The following ZCCHC24 variants were observed in gnomAD, a reference collection of about 807,000 sequenced individuals.
ZCCHC24 encodes the protein zinc finger CCHC domain-containing protein 24.
In ZCCHC24, 10 loss-of-function variants were observed where a neutral mutation model predicts 26.2. The observed-to-expected ratio is 0.38, with a 90% CI of 0.24 to 0.65. The LOEUF (loss-of-function observed/expected upper bound fraction) is 0.65. Ranked by LOEUF, ZCCHC24 falls within the 30% of genes least tolerant of loss-of-function variation. The pLI, the probability that ZCCHC24 is intolerant of heterozygous loss-of-function variation, is 0.54. For missense variants in ZCCHC24, 243 were observed against 329.1 expected, an observed-to-expected ratio of 0.74 and a Z score of 2.03; for synonymous variants, 144 against 147.1, an observed-to-expected ratio of 0.98 and a Z score of 0.15.
chr10:79,399,540 C>T (rs1028943447), intron 2 of ZCCHC24, among the ~76,000 whole-genome samples: 3 of 152,332 alleles, frequency 2.0e-5, no homozygotes, highest in Non-Finnish European at 4.4e-5. Context: ...CTCCTTGTAG[C>T]ACAGACAGGC....
At chr10:79,421,356 G>T (rs1038474017) in intron 2 of ZCCHC24, among the ~76,000 whole-genome samples, 1 of 152,114 alleles carries the variant, frequency 6.6e-6, no homozygotes, top group Admixed American at 6.5e-5. Flanking sequence ...CCCCTGCTAT[G>T]CCATCTGCCC....
chr10:79,399,246 A>C (rs1227556338), intron 2 of ZCCHC24, among the ~76,000 whole-genome samples: 1 of 152,174 alleles, frequency 6.6e-6, no homozygotes, highest in Non-Finnish European at 1.5e-5. Flanking sequence ...TATGCTTACA[A>C]ATGAGGGCAG....
Position 79,402,244 on chromosome 10 carries a change from G to A in ZCCHC24, c.448-7804C>T, listed in dbSNP as rs1402086988. Among the ~76,000 whole-genome samples, 9 of 152,312 alleles carry A rather than the reference G, an allele frequency of 5.9e-5. No individual in the cohort carries two copies. In the South Asian group the frequency reaches 8.3e-4, roughly 14 times the overall value. On this transcript the variant is annotated intron_variant, in intron 2 of 3. Transcript: ENST00000372336. The stretch of plus-strand genomic sequence containing the variant: ...CCAGGTTGGGCCCTGGCTCTCCCAC[G>A]CCTGTCTTAGATACTTGGTTTTTCT...
At chr10:79,443,429 TA>T (rs1282877338) in intron 1 of ZCCHC24, among the ~76,000 whole-genome samples, 2 of 152,178 alleles carry the variant, frequency 1.3e-5, no homozygotes, top group Admixed American at 6.5e-5. Context: ...AGAGGTTGAT[TA>T]GGGGTCCACA....
intron 2 of ZCCHC24, among the ~76,000 whole-genome samples, chr10:79,424,030 A>G (rs61218972): frequency 6.7e-6 from 1 of 148,712 alleles, no homozygotes; most frequent in African/African-American, 2.5e-5. Flanking sequence ...AAAAAAAAAA[A>G]AAAAAGAAAA....
intron 2 of ZCCHC24, among the ~76,000 whole-genome samples, chr10:79,419,183 T>A (rs1356524354): frequency 6.6e-6 from 1 of 152,050 alleles, no homozygotes; most frequent in African/African-American, 2.4e-5. Flanking sequence ...TCCCATCAGG[T>A]ACATGAGCCT....
intron 1 of ZCCHC24, among the ~76,000 whole-genome samples, chr10:79,443,860 C>T (rs529156484): frequency 6.6e-6 from 1 of 152,366 alleles, no homozygotes; most frequent in Non-Finnish European, 1.5e-5. Flanking sequence ...CTTTCAGACT[C>T]ATCTTCCTCC....
At chr10:79,394,599 C>T in intron 2 of ZCCHC24, 159 bp from the exon 3 acceptor site, 1 of 985,470 alleles carries the variant, frequency 1.0e-6, no homozygotes, top group Non-Finnish European at 1.2e-6. Context: ...ATCCCCAGAG[C>T]ACAGACGGGA....
intron 1 of ZCCHC24, among the ~76,000 whole-genome samples, chr10:79,439,381 GA>G (rs1329958519): frequency 2.6e-5 from 4 of 152,146 alleles, no homozygotes; most frequent in African/African-American, 9.7e-5. Flanking sequence ...AAAAGGTGAA[GA>G]GGCTCAGGAG....
intron 2 of ZCCHC24, among the ~76,000 whole-genome samples, chr10:79,423,609 A>ATATATT (rs1275156307): frequency 1.4e-5 from 2 of 139,808 alleles, no homozygotes; most frequent in African/African-American, 5.4e-5. Context: ...ATATATATAT[A>ATATATT]TTTTCTGACT....
intron 2 of ZCCHC24, among the ~76,000 whole-genome samples, chr10:79,421,983 C>T (rs576680502): frequency 3.3e-5 from 5 of 152,254 alleles, no homozygotes; most frequent in Admixed American, 1.3e-4. Flanking sequence ...GTGAGAAAAC[C>T]TCAGTTTCCC....
chr10:79,404,045 G>C (rs997365188), intron 2 of ZCCHC24, among the ~76,000 whole-genome samples: 6 of 152,056 alleles, frequency 3.9e-5, no homozygotes, highest in African/African-American at 1.4e-4. Context: ...AGAGGAGAAG[G>C]GGGGACAGGG....
At chr10:79,427,191 T>C (rs905006150) in intron 2 of ZCCHC24, among the ~76,000 whole-genome samples, 2 of 152,054 alleles carry the variant, frequency 1.3e-5, no homozygotes, top group Non-Finnish European at 2.9e-5. Context: ...CTCAAATGAA[T>C]GAAGCAAAAA....
intron 1 of ZCCHC24, among the ~76,000 whole-genome samples, chr10:79,442,469 A>C (rs1353922529): frequency 6.6e-6 from 1 of 152,130 alleles, no homozygotes. Flanking sequence ...ACCCCCCCTC[A>C]AATCCCAGCT....
chr10:79,428,504 G>C (rs1857077805), intron 2 of ZCCHC24, among the ~76,000 whole-genome samples: 1 of 119,590 alleles, frequency 8.4e-6, no homozygotes, highest in Non-Finnish European at 1.8e-5. Context: ...AGAGCTCTGT[G>C]GCTGGAAGGT....
intron 2 of ZCCHC24, among the ~76,000 whole-genome samples, chr10:79,421,302 C>A (rs922546225): frequency 6.6e-6 from 1 of 152,204 alleles, no homozygotes; most frequent in Non-Finnish European, 1.5e-5. Flanking sequence ...CCAGCCAGCC[C>A]AGGCTCCAGG....
chr10:79,393,381 G>T lies in ZCCHC24; in HGVS notation c.612+895C>A, dbSNP rs958622559. Among the ~76,000 whole-genome samples the T allele has an allele frequency of 3.9e-5, 6 of 152,200 alleles. No homozygotes were observed. The East Asian group carries it at 1.2e-3, about 29-fold the overall frequency. ...AGGAACGACCTCCTCTATCCATTCA[G>T]GTGCTCCAGCCTGCCTGGGGTGGGA... On this transcript the variant is annotated intron_variant, in intron 3 of 3. Coordinates refer to ENST00000372336, the MANE Select transcript of ZCCHC24 (RefSeq NM_153367.4).
At chr10:79,412,409 G>T (rs984490366) in intron 2 of ZCCHC24, among the ~76,000 whole-genome samples, 1 of 152,210 alleles carries the variant, frequency 6.6e-6, no homozygotes, top group African/African-American at 2.4e-5. Context: ...GTACACCCTC[G>T]CCCCTTGGCA....
intron 2 of ZCCHC24, among the ~76,000 whole-genome samples, chr10:79,425,139 T>C (rs577344886): frequency 6.6e-6 from 1 of 152,174 alleles, no homozygotes. Flanking sequence ...CACAGACCCC[T>C]ACAGGCAAGT....
Sources: allele counts gnomAD v4.1 joint callset (sites outside exome capture counted in the v4.1 genomes callset), GRCh38; gene constraint gnomAD v4.1.1; transcripts MANE v1.5; gene names NCBI Gene and HGNC (gene_info 2026-07-23, HGNC 2026-07-21).